The following GPC5 variants were observed in gnomAD, a reference collection of about 807,000 sequenced individuals.
GPC5 encodes glypican-5.
In GPC5, 47 loss-of-function variants were observed where a neutral mutation model predicts 53.9. That is an observed-to-expected ratio of 0.87 (90% CI 0.69 to 1.11). The LOEUF is 1.11. Among genes scored for constraint, GPC5 ranks in the 50% most tolerant of loss-of-function variants. The pLI, the probability that GPC5 is intolerant of heterozygous loss-of-function variation, is 0.00. For synonymous variants in GPC5, 286 were observed against 263.3 expected, an observed-to-expected ratio of 1.09 and a Z score of -0.84; for missense variants, 748 against 713.1, an observed-to-expected ratio of 1.05 and a Z score of -0.56.
intron 5 of GPC5, among the ~76,000 whole-genome samples, chr13:91,885,476 A>G (rs1186009001): frequency 3.9e-5 from 6 of 152,102 alleles, no homozygotes; most frequent in Admixed American, 3.9e-4. Flanking sequence ...TTTGCTGTTC[A>G]TCATTCAGTG....
intron 7 of GPC5, among the ~76,000 whole-genome samples, chr13:92,321,011 A>AT (rs533653990): frequency 0.018 from 2,704 of 151,478 alleles, 90 homozygotes; most frequent in African/African-American, 0.062. Flanking sequence ...ATTACTGCAG[A>AT]TTTTTTTTTC....
chr13:92,290,345 A>G (rs953819313), intron 7 of GPC5, among the ~76,000 whole-genome samples: 1 of 152,088 alleles, frequency 6.6e-6, no homozygotes, highest in African/African-American at 2.4e-5. Context: ...TTATTTATTT[A>G]ATTTCCATAG....
chr13:92,144,545 C>A (rs1180458971), intron 6 of GPC5, among the ~76,000 whole-genome samples: 1 of 152,138 alleles, frequency 6.6e-6, no homozygotes, highest in Non-Finnish European at 1.5e-5. Context: ...ATCCTCTAGA[C>A]AAACTGCCAT....
intron 6 of GPC5, among the ~76,000 whole-genome samples, chr13:91,985,024 A>G (rs1488398211): frequency 6.6e-6 from 1 of 151,338 alleles, no homozygotes; most frequent in African/African-American, 2.4e-5. Context: ...GTGATATTTT[A>G]TATGTTTTTT....
chr13:91,789,629 C>T (rs1019608903), intron 5 of GPC5, among the ~76,000 whole-genome samples: 1 of 152,080 alleles, frequency 6.6e-6, no homozygotes, highest in Non-Finnish European at 1.5e-5. Flanking sequence ...TAAAAATGCA[C>T]GCTGACTTTC....
In GPC5 at chr13:91,626,657, T is replaced by C. The variant is rs919040178; in HGVS notation, c.326-66530T>C. Among the ~76,000 whole-genome samples, 10 of 152,026 alleles carry C rather than the reference T, an allele frequency of 6.6e-5. No homozygotes were observed. The East Asian group carries it at 1.4e-3, about 21-fold the overall frequency. ...GATTGAGGAGCTTATTTTATTTTATTTTTTTATTTGTTTATATATATATTT... is the reference window on the plus strand; with the variant it reads ...GATTGAGGAGCTTATTTTATTTTATCTTTTTATTTGTTTATATATATATTT... On this transcript the variant is annotated intron_variant, in intron 2 of 7. Coordinates refer to ENST00000377067, the MANE Select transcript of GPC5 (RefSeq NM_004466.6).
chr13:92,133,388 T>C (rs2041760350), intron 6 of GPC5, among the ~76,000 whole-genome samples: 1 of 152,174 alleles, frequency 6.6e-6, no homozygotes, highest in Admixed American at 6.6e-5. Flanking sequence ...TTTAATAGAC[T>C]GGGAAACTTT....
chr13:91,771,435 T>C (rs950877161), intron 5 of GPC5, among the ~76,000 whole-genome samples: 2 of 152,316 alleles, frequency 1.3e-5, no homozygotes, highest in African/African-American at 4.8e-5. Context: ...GACCTTTGAA[T>C]CATCTATTTC....
chr13:92,575,893 T>G (rs1343971463), intron 7 of GPC5, among the ~76,000 whole-genome samples: 1 of 152,154 alleles, frequency 6.6e-6, no homozygotes, highest in Non-Finnish European at 1.5e-5. Flanking sequence ...GAGATTTAAT[T>G]TTTGGTTCCC....
chr13:92,028,424 AAG>A (rs1179163195), intron 6 of GPC5, among the ~76,000 whole-genome samples: 1 of 152,104 alleles, frequency 6.6e-6, no homozygotes, highest in African/African-American at 2.4e-5. Flanking sequence ...GGGAAGGACA[AAG>A]TAGTTCTTGA....
chr13:91,658,017 A>C (rs2034890038), intron 2 of GPC5, among the ~76,000 whole-genome samples: 1 of 152,204 alleles, frequency 6.6e-6, no homozygotes, highest in Non-Finnish European at 1.5e-5. Flanking sequence ...ATGTTTTAGA[A>C]AGCAACACAA....
chr13:92,041,725 A>G (rs2040943380), intron 6 of GPC5, among the ~76,000 whole-genome samples: 1 of 152,216 alleles, frequency 6.6e-6, no homozygotes, highest in Non-Finnish European at 1.5e-5. Context: ...GCAAGAGGCC[A>G]GAAAGAAGGT....
At position 92,389,434 on chromosome 13, in the gene GPC5, C is replaced by T. The variant is rs114901655; in HGVS notation, c.1561+244445C>T. Among the ~76,000 whole-genome samples the T allele has an allele frequency of 7.0e-3, 1,072 of 152,128 alleles. 9 individuals carry two copies. The highest frequency in any genetic ancestry group is 0.024 in the African/African-American group (1,006 of 41,506). On this transcript the variant is annotated intron_variant, in intron 7 of 7. Coordinates refer to ENST00000377067, the MANE Select transcript of GPC5 (RefSeq NM_004466.6). ...CACACACCTTTCACACAAAGCAACC[C>T]GGGCAATTCTCTTCAAAAATGCATC...
chr13:91,627,662 G>A (rs1173968349), intron 2 of GPC5, among the ~76,000 whole-genome samples: 1 of 151,864 alleles, frequency 6.6e-6, no homozygotes, highest in Admixed American at 6.6e-5. Flanking sequence ...ATCTCTAATT[G>A]GGTTGAATCT....
intron 7 of GPC5, among the ~76,000 whole-genome samples, chr13:92,487,743 G>GTAGC (rs1268880313): frequency 6.6e-6 from 1 of 151,322 alleles, no homozygotes; most frequent in Non-Finnish European, 1.5e-5. Flanking sequence ...CTCAGGCTAA[G>GTAGC]TAGCTTGCTG....
Position 92,199,599 on chromosome 13 carries a change from T to G in GPC5, c.1561+54610T>G, listed in dbSNP as rs930333971. ...ACTGTAATTACAAAGAGAACATTGGTCATTATTTTTACACTTTGTATGTTT... is the reference window on the plus strand; with the variant it reads ...ACTGTAATTACAAAGAGAACATTGGGCATTATTTTTACACTTTGTATGTTT... On this transcript the variant is annotated intron_variant, in intron 7 of 7. Coordinates refer to ENST00000377067, the MANE Select transcript of GPC5 (RefSeq NM_004466.6). Among the ~76,000 whole-genome samples, 7 of 152,198 alleles carry G rather than the reference T, an allele frequency of 4.6e-5. 1 individual carries two copies. Among genetic ancestry groups the G allele is most frequent in the African/African-American group, 1.7e-4 (7 of 41,462 alleles).
chr13:92,517,851 A>G (rs1291985302), intron 7 of GPC5, among the ~76,000 whole-genome samples: 1 of 152,242 alleles, frequency 6.6e-6, no homozygotes, highest in Non-Finnish European at 1.5e-5. Context: ...ATGAGTTGAG[A>G]GAAGTCTTCA....
In GPC5 at chr13:92,198,801, A is replaced by T. The variant is rs9560974; in HGVS notation, c.1561+53812A>T. Among the ~76,000 whole-genome samples, 1,255 of 152,322 alleles carry T rather than the reference A, an allele frequency of 8.2e-3. 13 individuals are homozygous for T. The highest frequency in any genetic ancestry group is 0.044 in the South Asian group (212 of 4,830). On this transcript the variant is annotated intron_variant, in intron 7 of 7. Transcript: ENST00000377067. ...TTATTTCTGACAATTTGGGGAGAGT[A>T]GGTCACATCTCTATCTCAGAAACCG...
intron 2 of GPC5, among the ~76,000 whole-genome samples, chr13:91,655,528 A>G (rs533188213): frequency 2.1e-4 from 32 of 152,224 alleles, no homozygotes; most frequent in African/African-American, 7.7e-4. Flanking sequence ...TTAATCATAT[A>G]TAATCATATA....
Sources: gnomAD v4.1 joint callset for allele counts (sites outside exome capture counted in the v4.1 genomes callset) on GRCh38, gnomAD v4.1.1 for gene constraint, MANE v1.5 for transcripts, NCBI Gene and HGNC (gene_info 2026-07-23, HGNC 2026-07-21) for gene names.